Variants in FREM1 observed in about 807,000 individuals in gnomAD.
The protein encoded by FREM1 is FRAS1 related extracellular matrix 1.
FREM1 carries 220 observed loss-of-function variants against 210.1 expected under a neutral mutation model. That is an observed-to-expected ratio of 1.05 (90% CI 0.94 to 1.17). The LOEUF (loss-of-function observed/expected upper bound fraction) is 1.17. Among genes scored for constraint, FREM1 ranks in the 50% most tolerant of loss-of-function variants. The probability of loss-of-function intolerance (pLI) is 0.00; values close to 1 mark genes in which losing one functional copy is unlikely to be tolerated. For missense variants in FREM1, 3,454 were observed against 2,675.5 expected (o/e 1.29, Z -6.42); for synonymous variants, 1,189 against 980.2 (o/e 1.21, Z -3.98).
intron 36 of FREM1, among the ~76,000 whole-genome samples, chr9:14,739,645 C>A (rs980314794): frequency 3.3e-5 from 5 of 150,000 alleles, no homozygotes; most frequent in African/African-American, 1.2e-4. Context: ...TGGATGTGGA[C>A]CCTGCATTTT....
chr9:14,906,103 T>G (rs1301978813), intron 1 of FREM1, among the ~76,000 whole-genome samples: 1 of 152,140 alleles, frequency 6.6e-6, no homozygotes, highest in East Asian at 1.9e-4. Context: ...GTATTAGCCG[T>G]CTCCCAAAGA....
chr9:14,782,740 A>G (rs760029634), intron 24 of FREM1, among the ~76,000 whole-genome samples: 6 of 152,200 alleles, frequency 3.9e-5, no homozygotes, highest in Non-Finnish European at 7.3e-5. Context: ...AGTAGCTAAC[A>G]CTTACTTAGT....
intron 1 of FREM1, among the ~76,000 whole-genome samples, chr9:14,872,552 C>T (rs960427905): frequency 1.2e-4 from 19 of 152,158 alleles, no homozygotes; most frequent in Middle Eastern, 3.2e-3. Context: ...TGCTTATCAG[C>T]TTAAGGAGAT....
At chr9:14,776,250 C>A (rs772250786) in intron 24 of FREM1, 47 bp from the exon 25 acceptor site, 1 of 1,497,754 alleles carries the variant, frequency 6.7e-7, no homozygotes, top group Admixed American at 2.3e-5. Flanking sequence ...TCTTGTGTCA[C>A]CATCTACTGG....
intron 4 of FREM1, among the ~76,000 whole-genome samples, chr9:14,858,870 G>A (rs1829291708): frequency 6.6e-6 from 1 of 152,150 alleles, no homozygotes; most frequent in Admixed American, 6.5e-5. Flanking sequence ...ACTGTGTTAA[G>A]TACTGTGTGT....
chr9:14,899,635 A>G (rs111348119), intron 1 of FREM1, among the ~76,000 whole-genome samples: 14 of 152,242 alleles, frequency 9.2e-5, no homozygotes, highest in Non-Finnish European at 2.9e-5. Flanking sequence ...TGAAACCAGT[A>G]TGGAACACAC....
chr9:14,813,283 A>G (rs1052605579), intron 15 of FREM1, among the ~76,000 whole-genome samples: 76 of 152,282 alleles, frequency 5.0e-4, no homozygotes, highest in African/African-American at 1.6e-3. Context: ...TTTAGGTAGG[A>G]ATGGGGGAAT....
chr9:14,797,681 A>G, intron 20 of FREM1, 39 bp from the exon 21 acceptor site: 1 of 1,550,972 alleles, frequency 6.4e-7, no homozygotes, highest in Non-Finnish European at 8.8e-7. Flanking sequence ...CTTCCTTATG[A>G]TTGAACCATC....
At chr9:14,800,014 T>C (rs956446627) in intron 20 of FREM1, among the ~76,000 whole-genome samples, 4 of 145,498 alleles carry the variant, frequency 2.7e-5, no homozygotes, top group Admixed American at 1.4e-4. Flanking sequence ...GTTCTCATTG[T>C]TCAATTCCCA....
intron 10 of FREM1, among the ~76,000 whole-genome samples, chr9:14,831,982 A>G (rs765545795): frequency 6.6e-6 from 1 of 152,208 alleles, no homozygotes; most frequent in Non-Finnish European, 1.5e-5. Flanking sequence ...TCACATACCG[A>G]AAGGAAGGAG....
intron 20 of FREM1, among the ~76,000 whole-genome samples, chr9:14,800,562 CTG>C (rs916416469): frequency 2.6e-5 from 4 of 152,126 alleles, no homozygotes; most frequent in Admixed American, 2.6e-4. Context: ...TTTGTTTCAA[CTG>C]TGGAAATTTT....
chr9:14,860,904 C>CATATACACATATATACAT (rs1830080257), intron 3 of FREM1, among the ~76,000 whole-genome samples: 2 of 74,200 alleles, frequency 2.7e-5, no homozygotes, highest in African/African-American at 2.0e-4. Context: ...CATATATACA[C>CATATACACATATATACAT]ATATACACAT....
intron 3 of FREM1, among the ~76,000 whole-genome samples, chr9:14,860,584 C>CACAT (rs1829695599): frequency 1.7e-5 from 2 of 115,700 alleles, no homozygotes; most frequent in African/African-American, 9.1e-5. Flanking sequence ...TATATATACA[C>CACAT]ATATATATAC....
intron 27 of FREM1, among the ~76,000 whole-genome samples, chr9:14,766,479 T>C (rs922686976): frequency 1.3e-5 from 2 of 152,132 alleles, no homozygotes; most frequent in African/African-American, 4.8e-5. Flanking sequence ...ATCTCGATGA[T>C]TCCAGGATGT....
At chr9:14,874,067 T>C (rs1285645975) in intron 1 of FREM1, among the ~76,000 whole-genome samples, 1 of 152,210 alleles carries the variant, frequency 6.6e-6, no homozygotes, top group East Asian at 1.9e-4. Flanking sequence ...TTACATTTGC[T>C]GAGAAGAGCT....
intron 10 of FREM1, among the ~76,000 whole-genome samples, chr9:14,828,120 C>A (rs946589486): frequency 2.6e-5 from 4 of 152,198 alleles, no homozygotes; most frequent in African/African-American, 9.6e-5. Context: ...CAGAGACCAC[C>A]AATGTGCAAC....
In FREM1 at chr9:14,860,918, C is replaced by CACATATATACACATATAT. The variant is rs1564103490; in HGVS notation, c.330-1435_330-1434insATATATGTGTATATATGT. On this transcript the variant is annotated intron_variant, in intron 3 of 36. Transcript: ENST00000380880. ...ACATATATACACATATACACATATA[C>CACATATATACACATATAT]ACATATATACACATATACACACATA... Among the ~76,000 whole-genome samples the CACATATATACACATATAT allele has an allele frequency of 4.2e-4, 23 of 54,156 alleles. 6 individuals carry two copies. The highest frequency in any genetic ancestry group is 2.4e-3 in the African/African-American group (22 of 9,054). 35.5% of individuals were successfully genotyped at this position (54,156 alleles called of 152,430 possible). A position where few individuals can be genotyped will look rare whatever the true frequency, so the allele number is the denominator to read the frequency against.
Position 14,805,054 on chromosome 9 carries a change from C to T in FREM1, c.3373G>A (p.Val1125Ile), listed in dbSNP as rs367677115. Residue 1125 changes from valine (V) to isoleucine (I), a missense_variant, in exon 19 of 37, where the codon GTC (valine) becomes ATC (isoleucine). Transcript: ENST00000380880. Reference sequence around the variant, plus strand: ...AAGGAGTGATGCTTCCCATCTGTGACGTACACCGTGAACTGGTCGGCAGTT... The same window carrying T: ...AAGGAGTGATGCTTCCCATCTGTGATGTACACCGTGAACTGGTCGGCAGTT... ...EPTADQFTVYVTDGKHHSLEI... is the reference protein window; with the variant it reads ...EPTADQFTVYITDGKHHSLEI... 2.2e-5 allele frequency: 36 copies of T among 1,612,882 alleles called. No homozygotes were observed. The highest frequency in any genetic ancestry group is 5.5e-5 in the South Asian group (5 of 91,062).
At chr9:14,885,171 G>T (rs796155569) in intron 1 of FREM1, among the ~76,000 whole-genome samples, 55 of 151,882 alleles carry the variant, frequency 3.6e-4, no homozygotes, top group African/African-American at 1.3e-3. Context: ...TGATCCACCC[G>T]CCTCGGCCTC....
Sources: gnomAD v4.1 joint callset for allele counts (sites outside exome capture counted in the v4.1 genomes callset) on GRCh38, gnomAD v4.1.1 for gene constraint, MANE v1.5 for transcripts, NCBI Gene and HGNC (gene_info 2026-07-23, HGNC 2026-07-21) for gene names.